STK24: variants seen among roughly 807,000 people sequenced by gnomAD.
STK24 encodes the protein serine/threonine kinase 24, also known as serine/threonine-protein kinase 24.
A neutral mutation model predicts 55.6 loss-of-function variants in STK24; 21 were observed. The ratio of observed to expected loss-of-function variants is 0.38; its 90% CI spans 0.27 to 0.54. The LOEUF (loss-of-function observed/expected upper bound fraction) is 0.54, where lower values mean the gene tolerates loss of function less well. Among genes scored for constraint, STK24 ranks in the 20% least tolerant of loss-of-function variants. STK24 has a pLI of 0.79. For synonymous variants in STK24, 200 were observed against 215.2 expected (o/e 0.93, Z 0.62); for missense variants, 383 against 538.4 (o/e 0.71, Z 2.86).
chr13:98,521,999 GC>G, intron 1 of STK24: 1 of 1,436,142 alleles, frequency 7.0e-7, no homozygotes, highest in Non-Finnish European at 9.2e-7. Context: ...CTAACCCAAA[GC>G]CCTCCTCCTC....
intron 5 of STK24, among the ~76,000 whole-genome samples, chr13:98,471,307 G>C (rs907853657): frequency 6.6e-6 from 1 of 152,154 alleles, no homozygotes; most frequent in African/African-American, 2.4e-5. Flanking sequence ...TGCATCACCA[G>C]TTTCCACTTT....
intron 2 of STK24, among the ~76,000 whole-genome samples, chr13:98,500,717 A>C: frequency 7.5e-6 from 1 of 132,948 alleles, no homozygotes; most frequent in African/African-American, 2.8e-5. Flanking sequence ...TTCCCCTCCC[A>C]TCCTCCCCCA....
chr13:98,549,095 A>T (rs1897101440), intron 1 of STK24, among the ~76,000 whole-genome samples: 1 of 152,186 alleles, frequency 6.6e-6, no homozygotes, highest in South Asian at 2.1e-4. Context: ...CATGCTGTGA[A>T]ACACAATTTC....
Position 98,547,148 on chromosome 13 carries a change from G to A in STK24, c.43-27675C>T, listed in dbSNP as rs574098245. Among the ~76,000 whole-genome samples the A allele has an allele frequency of 3.4e-3, 523 of 152,194 alleles. 1 individual carries two copies. The highest frequency in any genetic ancestry group is 0.01 in the Middle Eastern group (3 of 294). ...AGGATGGTCTCGATCTCCTGACCTCGTGATCCACCCGCCTCGGCCTCCCAA... is the reference window on the plus strand; with the variant it reads ...AGGATGGTCTCGATCTCCTGACCTCATGATCCACCCGCCTCGGCCTCCCAA... On this transcript the variant is annotated intron_variant, in intron 1 of 10. Coordinates refer to ENST00000539966, the MANE Select transcript of STK24 (RefSeq NM_001032296.4).
intron 2 of STK24, chr13:98,508,871 C>A (rs1194673140): frequency 6.6e-6 from 1 of 151,404 alleles, no homozygotes; most frequent in Non-Finnish European, 1.5e-5. Flanking sequence ...TTCAGCTTTG[C>A]CAATTTCAAA....
chr13:98,530,466 G>A (rs1296965867), intron 1 of STK24, among the ~76,000 whole-genome samples: 4 of 152,102 alleles, frequency 2.6e-5, no homozygotes, highest in African/African-American at 9.7e-5. Flanking sequence ...CTACTGTCAT[G>A]CCCGGGTGCC....
In STK24 at chr13:98,552,762, C is replaced by T. The variant is rs1333212654; in HGVS notation, c.42+23983G>A. ...CTTCGGTCTAGTCAGAAACCGAAGACGCCAACAAGGGGAAGATGGCATCTG... is the reference window on the plus strand; with the variant it reads ...CTTCGGTCTAGTCAGAAACCGAAGATGCCAACAAGGGGAAGATGGCATCTG... On this transcript the variant is annotated intron_variant, in intron 1 of 10. Transcript: ENST00000539966. Among the ~76,000 whole-genome samples, 5 of 151,964 alleles carry T rather than the reference C, an allele frequency of 3.3e-5. No homozygotes were observed. The South Asian group carries it at 6.2e-4, about 19-fold the overall frequency.
At chr13:98,551,449 C>CTT (rs56822014) in intron 1 of STK24, among the ~76,000 whole-genome samples, 3 of 146,090 alleles carry the variant, frequency 2.1e-5, no homozygotes. Context: ...CATACTTTCT[C>CTT]TTTTTTTTTT....
intron 2 of STK24, among the ~76,000 whole-genome samples, chr13:98,500,524 T>C (rs1895412303): frequency 6.6e-6 from 1 of 152,288 alleles, no homozygotes; most frequent in Admixed American, 6.5e-5. Flanking sequence ...CTGCTAAACC[T>C]GATGCGTCCA....
rs546074030 is a variant in STK24, at chr13:98,544,554, G to A, written c.43-25081C>T. ...AGAAGGCAGGGCAGGCCGGAGAGGA[G>A]AGGACAGAGCCGCCCGCCCCAGGAG... On this transcript the variant is annotated intron_variant, in intron 1 of 10. Transcript: ENST00000539966. Among the ~76,000 whole-genome samples, 89 of 152,342 alleles carry A rather than the reference G, an allele frequency of 5.8e-4. 1 individual carries two copies. The highest frequency in any genetic ancestry group is 1.2e-3 in the East Asian group (6 of 5,182).
At chr13:98,504,204 C>CAAA (rs138590566) in intron 2 of STK24, among the ~76,000 whole-genome samples, 3 of 146,766 alleles carry the variant, frequency 2.0e-5, no homozygotes, top group Non-Finnish European at 4.5e-5. Context: ...TAACTGAAGA[C>CAAA]AAAAAAAAAA....
intron 7 of STK24, 47 bp downstream of exon 7, chr13:98,463,644 C>CG: frequency 6.5e-7 from 1 of 1,540,084 alleles, no homozygotes; most frequent in Admixed American, 2.1e-5. Flanking sequence ...CAAAGACCAG[C>CG]GGATCCCTCC....
In STK24 at chr13:98,463,759, G is replaced by A. The variant is rs61969405; in HGVS notation, c.861C>T (p.Leu287=). The part of the protein sequence containing the change: ...NAKKTSYLTE[L]IDRYKRWKAE... ...CCTTCCATCTCTTGTACCTGTCGAT[G>A]AGCTCGGTCAAGTAGGAAGTTTTCT... The change falls in exon 7 of 11, where the codon CTC becomes CTT. Residue 287 remains leucine (L), a synonymous_variant. Transcript: ENST00000539966. 1.2e-6 allele frequency: 2 copies of A among 1,614,172 alleles called. No individual in the cohort carries two copies. Among genetic ancestry groups the A allele is most frequent in the Non-Finnish European group, 1.7e-6 (2 of 1,180,026 alleles).
intron 1 of STK24, among the ~76,000 whole-genome samples, chr13:98,557,197 C>T (rs540910708): frequency 3.3e-5 from 5 of 152,174 alleles, no homozygotes; most frequent in Admixed American, 1.3e-4. Flanking sequence ...TGATAACAGC[C>T]GTCCCATGTT....
intron 3 of STK24, among the ~76,000 whole-genome samples, chr13:98,479,238 C>T (rs1357281672): frequency 6.6e-6 from 1 of 152,202 alleles, no homozygotes; most frequent in Non-Finnish European, 1.5e-5. Context: ...ATTCCAAGAG[C>T]CCAGCGGCCT....
chr13:98,457,221 C>T lies in STK24; in HGVS notation c.1206G>A (p.Ala402=), dbSNP rs373236792. The change falls in exon 10 of 11, where the codon GCG becomes GCA. Residue 402 remains alanine (A), a synonymous_variant. Coordinates refer to ENST00000539966, the MANE Select transcript of STK24 (RefSeq NM_001032296.4). ...CCATGGTGTCGGAGATGCCAGGGCA[C>T]GCCTCCTCCGCTAGGTAGATGGCCC... The part of the protein sequence containing the change: ...LRGAIYLAEE[A]CPGISDTMVA... The T allele has an allele frequency of 7.4e-6, 12 of 1,612,854 alleles. No homozygotes were observed. Among genetic ancestry groups the T allele is most frequent in the South Asian group, 4.4e-5 (4 of 91,008 alleles).
intron 2 of STK24, among the ~76,000 whole-genome samples, chr13:98,515,524 G>A (rs1382620758): frequency 1.3e-5 from 2 of 151,550 alleles, no homozygotes; most frequent in African/African-American, 4.9e-5. Context: ...TGGGGGGGTG[G>A]GGGGATTCAC....
intron 1 of STK24, among the ~76,000 whole-genome samples, chr13:98,575,588 G>A (rs551235963): frequency 6.6e-6 from 1 of 152,256 alleles, no homozygotes; most frequent in South Asian, 2.1e-4. Flanking sequence ...TGGAAGAGGC[G>A]AGCAGACCCC....
chr13:98,539,697 C>T (rs1896833149), intron 1 of STK24, among the ~76,000 whole-genome samples: 1 of 152,152 alleles, frequency 6.6e-6, no homozygotes, highest in Admixed American at 6.5e-5. Flanking sequence ...ATTAAAATTA[C>T]ACATAGGAGA....
Sources: gnomAD v4.1 joint callset for allele counts (sites outside exome capture counted in the v4.1 genomes callset) on GRCh38, gnomAD v4.1.1 for gene constraint, MANE v1.5 for transcripts, NCBI Gene and HGNC (gene_info 2026-07-23, HGNC 2026-07-21) for gene names.